Variants in SLC35F2 observed in about 807,000 individuals in gnomAD.
SLC35F2 encodes the protein solute carrier family 35 member F2, also known as queuine/queuosine transporter SLC35F2.
Under a neutral mutation model 38.1 loss-of-function variants are expected in SLC35F2, and 25 were observed. That is an observed-to-expected ratio of 0.66 (90% CI 0.48 to 0.92). The LOEUF (loss-of-function observed/expected upper bound fraction) is 0.92, where lower values mean the gene tolerates loss of function less well. SLC35F2 is among the 40% of genes least tolerant of loss of function. The pLI, the probability that SLC35F2 is intolerant of heterozygous loss-of-function variation, is 0.00. For missense variants in SLC35F2, 409 were observed against 452.9 expected, an observed-to-expected ratio of 0.90 and a Z score of 0.88; for synonymous variants, 173 against 181.7, an observed-to-expected ratio of 0.95 and a Z score of 0.38.
intron 1 of SLC35F2, among the ~76,000 whole-genome samples, chr11:107,843,899 A>G (rs1174130981): frequency 8.0e-6 from 1 of 124,360 alleles, no homozygotes; most frequent in Non-Finnish European, 1.7e-5. Context: ...ATATATATAT[A>G]TATATATATG....
At chr11:107,804,979 C>A in intron 5 of SLC35F2, 1 of 920,262 alleles carries the variant, frequency 1.1e-6, no homozygotes, top group Non-Finnish European at 1.3e-6. Flanking sequence ...CTTACAGGTG[C>A]TCTGAAATAA....
chr11:107,844,749 C>T (rs1255804801), intron 1 of SLC35F2, among the ~76,000 whole-genome samples: 1 of 151,894 alleles, frequency 6.6e-6, no homozygotes, highest in East Asian at 1.9e-4. Flanking sequence ...CCAAAGCGGG[C>T]GGATCACAAG....
At position 107,792,535 on chromosome 11, in the gene SLC35F2, G is replaced by C; in HGVS notation, c.*80C>G. The stretch of plus-strand genomic sequence containing the variant: ...GTTGTAGAGTGTCCATTCTGAGTCT[G>C]CTATTTCCCCAAGTGTCCCCTCAGC... On this transcript the variant is annotated 3_prime_UTR_variant, in exon 8 of 8. Transcript: ENST00000525815. 6.8e-7 allele frequency: 1 copy of C among 1,474,638 alleles called. No homozygotes were observed. Among genetic ancestry groups the C allele is most frequent in the Admixed American group, 2.3e-5 (1 of 44,420 alleles). The allele number at this position is 1,474,638 out of a possible 1,614,324, so 91.3% of individuals were successfully genotyped here. A position where few individuals can be genotyped will look rare whatever the true frequency, so the allele number is the denominator to read the frequency against.
chr11:107,804,925 C>G, intron 5 of SLC35F2, 155 bp from the exon 6 acceptor site: 3 of 703,990 alleles, frequency 4.3e-6, no homozygotes, highest in Non-Finnish European at 5.2e-6. Context: ...ATAAAAATGA[C>G]AAAGAATAAA....
chr11:107,854,761 T>C (rs1298736099), intron 1 of SLC35F2, among the ~76,000 whole-genome samples: 1 of 152,104 alleles, frequency 6.6e-6, no homozygotes, highest in African/African-American at 2.4e-5. Flanking sequence ...CATAACAAGC[T>C]CTATGCCCCA....
intron 1 of SLC35F2, among the ~76,000 whole-genome samples, chr11:107,839,356 G>C (rs372918362): frequency 6.6e-6 from 1 of 152,164 alleles, no homozygotes; most frequent in Admixed American, 6.5e-5. Flanking sequence ...AGCTACTCAA[G>C]AGGCTGAGGT....
intron 1 of SLC35F2, among the ~76,000 whole-genome samples, chr11:107,844,919 T>C (rs982139511): frequency 6.9e-6 from 1 of 145,014 alleles, no homozygotes; most frequent in African/African-American, 2.6e-5. Flanking sequence ...GAGCTTGCAG[T>C]GAGCCGAGAT....
At chr11:107,844,498 A>G (rs1276278517) in intron 1 of SLC35F2, among the ~76,000 whole-genome samples, 1 of 146,494 alleles carries the variant, frequency 6.8e-6, no homozygotes, top group Non-Finnish European at 1.5e-5. Context: ...GGTGGCATGC[A>G]CCTGTAATCC....
At chr11:107,830,583 C>CAAAAAAAAAAAAAAAAA (rs66495434) in intron 1 of SLC35F2, among the ~76,000 whole-genome samples, 1 of 95,716 alleles carries the variant, frequency 1.0e-5, no homozygotes, top group Non-Finnish European at 2.1e-5. Flanking sequence ...GACTCAGTCT[C>CAAAAAAAAAAAAAAAAA]AAAAAAAAAA....
intron 1 of SLC35F2, among the ~76,000 whole-genome samples, chr11:107,845,681 G>C (rs12269753): frequency 6.6e-6 from 1 of 151,828 alleles, no homozygotes; most frequent in Non-Finnish European, 1.5e-5. Flanking sequence ...GGCTGGGCAC[G>C]GTGGCTCATG....
chr11:107,822,526 AC>A (rs1453312879), intron 1 of SLC35F2, among the ~76,000 whole-genome samples: 1 of 152,138 alleles, frequency 6.6e-6, no homozygotes, highest in African/African-American at 2.4e-5. Context: ...TCTCCCCAGA[AC>A]ACATCGGGGA....
intron 6 of SLC35F2, among the ~76,000 whole-genome samples, chr11:107,803,776 AAC>A (rs71047623): frequency 0.3 from 44,731 of 149,476 alleles, 7,590 homozygotes; most frequent in Admixed American, 0.4. Context: ...TCCCATACTC[AAC>A]ACACACACAC....
At chr11:107,801,371 C>T (rs540265932) in intron 7 of SLC35F2, among the ~76,000 whole-genome samples, 36 of 152,160 alleles carry the variant, frequency 2.4e-4, no homozygotes, top group African/African-American at 8.2e-4. Flanking sequence ...TAGTAAGCCA[C>T]AGAGTAAAGA....
rs1257475972 is a variant in SLC35F2 at position 107,804,768 on chromosome 11, AATCT to A, written c.732-2_733del. 2 of 1,604,766 alleles carry A rather than the reference AATCT, an allele frequency of 1.2e-6. No individual in the cohort carries two copies. Among genetic ancestry groups the A allele is most frequent in the Non-Finnish European group, 1.7e-6 (2 of 1,176,794 alleles). ...GGCAATATCCTTATATTCCACAATC[AATCT>A]AAGATTAAAACAAGAGGTCACAGAG... is the stretch of plus-strand genomic sequence containing the variant. On this transcript the variant is annotated splice_acceptor_variant and coding_sequence_variant, in exon 6 of 8. Coordinates refer to ENST00000525815, the MANE Select transcript of SLC35F2 (RefSeq NM_017515.5). LOFTEE classifies it high-confidence loss of function.
chr11:107,806,983 T>C (rs1859403066), intron 3 of SLC35F2, 107 bp from the exon 4 acceptor site: 2 of 1,018,400 alleles, frequency 2.0e-6, no homozygotes, highest in Non-Finnish European at 2.8e-6. Context: ...TCAGTATTTA[T>C]TGAGCATTTA....
Position 107,809,371 on chromosome 11 carries a change from G to A in SLC35F2, c.414+2296C>T, listed in dbSNP as rs547317868. Among the ~76,000 whole-genome samples, 122 of 144,548 alleles carry A rather than the reference G, an allele frequency of 8.4e-4. 1 individual carries two copies. The highest frequency in any genetic ancestry group is 2.9e-3 in the African/African-American group (112 of 39,052). The allele number at this position is 144,548 out of a possible 152,430, so 94.8% of individuals were successfully genotyped here. ...AAAAAAATCAGCTGGGCGCATGCCT[G>A]TAATCCCAGCTACTCAGGAGGCCAA... is the stretch of plus-strand genomic sequence containing the variant. On this transcript the variant is annotated intron_variant, in intron 3 of 7. Transcript: ENST00000525815.
At chr11:107,807,604 G>T (rs1025344864) in intron 3 of SLC35F2, among the ~76,000 whole-genome samples, 4 of 148,672 alleles carry the variant, frequency 2.7e-5, no homozygotes, top group Non-Finnish European at 4.4e-5. Flanking sequence ...ATGGAGTCTC[G>T]CTCTGTTGCC....
intron 3 of SLC35F2, among the ~76,000 whole-genome samples, chr11:107,809,255 C>T (rs764280166): frequency 1.4e-5 from 2 of 147,680 alleles, no homozygotes; most frequent in East Asian, 2.0e-4. Context: ...AGGCCAAGGC[C>T]GGAGGATCAC....
chr11:107,804,814 T>G (rs1053143404), intron 5 of SLC35F2, 44 bp from the exon 6 acceptor site: 1 of 1,487,628 alleles, frequency 6.7e-7, no homozygotes, highest in African/African-American at 1.4e-5. Flanking sequence ...ACATACTAAT[T>G]TTCACTATTT....
Sources: gnomAD v4.1 joint callset for allele counts (sites outside exome capture counted in the v4.1 genomes callset) on GRCh38, gnomAD v4.1.1 for gene constraint, MANE v1.5 for transcripts, NCBI Gene and HGNC (gene_info 2026-07-23, HGNC 2026-07-21) for gene names.